CNTN5: variants seen among roughly 807,000 people sequenced by gnomAD.
CNTN5 encodes the protein contactin-5.
In CNTN5, 77 loss-of-function variants were observed where a neutral mutation model predicts 129.1. The observed-to-expected ratio is 0.60, with a 90% CI of 0.50 to 0.72. The LOEUF (loss-of-function observed/expected upper bound fraction) is 0.72, where lower values mean the gene tolerates loss of function less well. Among genes scored for constraint, CNTN5 ranks in the 30% least tolerant of loss-of-function variants. The probability of loss-of-function intolerance (pLI) is 0.00; values close to 1 mark genes in which losing one functional copy is unlikely to be tolerated. For synonymous variants in CNTN5, 509 were observed against 465.6 expected (o/e 1.09, Z -1.20); for missense variants, 1,478 against 1,328.8 (o/e 1.11, Z -1.75).
chr11:99,157,234 T>A (rs570491528), intron 1 of CNTN5, among the ~76,000 whole-genome samples: 1 of 152,148 alleles, frequency 6.6e-6, no homozygotes, highest in East Asian at 1.9e-4. Context: ...AAGGGAAATG[T>A]AAGAAAATAT....
At chr11:99,760,279 A>G (rs1279608469) in intron 3 of CNTN5, among the ~76,000 whole-genome samples, 1 of 152,148 alleles carries the variant, frequency 6.6e-6, no homozygotes, top group Non-Finnish European at 1.5e-5. Context: ...TGTGTCACAG[A>G]ACTGTCACAA....
chr11:99,761,349 C>A (rs1310663266), intron 3 of CNTN5, among the ~76,000 whole-genome samples: 1 of 152,028 alleles, frequency 6.6e-6, no homozygotes, highest in Non-Finnish European at 1.5e-5. Flanking sequence ...ATGTGCCATG[C>A]TGGTGCGCTG....
At chr11:100,031,926 G>A (rs992030147) in intron 9 of CNTN5, among the ~76,000 whole-genome samples, 9 of 151,380 alleles carry the variant, frequency 5.9e-5, no homozygotes, top group East Asian at 1.9e-4. Context: ...GTGGCACCAC[G>A]GGACCAGAAG....
chr11:99,976,573 G>A (rs1937987344), intron 8 of CNTN5, among the ~76,000 whole-genome samples: 1 of 152,172 alleles, frequency 6.6e-6, no homozygotes, highest in South Asian at 2.1e-4. Context: ...CAGGCTCAAT[G>A]CCACGTGGAA....
intron 2 of CNTN5, among the ~76,000 whole-genome samples, chr11:99,343,072 A>G (rs1162515343): frequency 6.6e-6 from 1 of 152,166 alleles, no homozygotes; most frequent in Non-Finnish European, 1.5e-5. Flanking sequence ...AGAATAGAGG[A>G]TGCTGCAGTG....
intron 2 of CNTN5, among the ~76,000 whole-genome samples, chr11:99,536,602 C>T (rs937295838): frequency 6.6e-6 from 1 of 151,966 alleles, no homozygotes; most frequent in Non-Finnish European, 1.5e-5. Flanking sequence ...AACTTGCCCT[C>T]CCTCATGCCT....
chr11:100,002,270 G>A (rs1249725153), intron 9 of CNTN5, 134 bp downstream of exon 9: 29 of 551,386 alleles, frequency 5.3e-5, no homozygotes, highest in Non-Finnish European at 8.6e-5. Flanking sequence ...CTAAAAGAAG[G>A]TCAAATGGCA....
At chr11:100,149,773 T>G (rs987625406) in intron 13 of CNTN5, among the ~76,000 whole-genome samples, 7 of 151,672 alleles carry the variant, frequency 4.6e-5, no homozygotes, top group African/African-American at 1.7e-4. Context: ...CGGGTGCCTG[T>G]AGTCCCAGCT....
At chr11:100,166,497 C>T (rs1947641020) in intron 13 of CNTN5, among the ~76,000 whole-genome samples, 1 of 151,628 alleles carries the variant, frequency 6.6e-6, no homozygotes. Context: ...TGTATATGGC[C>T]TCCAAATAAG....
intron 3 of CNTN5, among the ~76,000 whole-genome samples, chr11:99,669,460 GTGTGTGTGTGTGTATA>G (rs775475787): frequency 7.8e-4 from 63 of 80,722 alleles, no homozygotes; most frequent in Non-Finnish European, 1.4e-3. Context: ...GTGTGTGTGT[GTGTGTGTGTGTGTATA>G]TGTGTATACA....
chr11:100,333,552 T>C (rs1189750557), intron 21 of CNTN5, among the ~76,000 whole-genome samples: 1 of 151,592 alleles, frequency 6.6e-6, no homozygotes, highest in East Asian at 2.0e-4. Flanking sequence ...AAGGCCATCA[T>C]CACCAAAACA....
intron 2 of CNTN5, among the ~76,000 whole-genome samples, chr11:99,473,872 A>G (rs1408551337): frequency 1.3e-5 from 2 of 152,056 alleles, no homozygotes; most frequent in Non-Finnish European, 2.9e-5. Flanking sequence ...TAAACCATAG[A>G]CAGTAAATAT....
intron 13 of CNTN5, among the ~76,000 whole-genome samples, chr11:100,096,211 T>C (rs1945003349): frequency 6.6e-6 from 1 of 152,146 alleles, no homozygotes; most frequent in Admixed American, 6.6e-5. Flanking sequence ...GAACTATTGC[T>C]AGACTATTTG....
At chr11:99,780,187 C>A (rs181391507) in intron 3 of CNTN5, among the ~76,000 whole-genome samples, 1 of 151,892 alleles carries the variant, frequency 6.6e-6, no homozygotes, top group African/African-American at 2.4e-5. Context: ...TTTTTCCCCC[C>A]CTTCAGATTA....
chr11:100,313,565 A>G (rs920180723), intron 21 of CNTN5, among the ~76,000 whole-genome samples: 1 of 152,090 alleles, frequency 6.6e-6, no homozygotes, highest in African/African-American at 2.4e-5. Context: ...TAAGAGGGTA[A>G]GTCAGATAGG....
At chr11:100,102,374 T>C (rs1463562615) in intron 13 of CNTN5, among the ~76,000 whole-genome samples, 1 of 152,088 alleles carries the variant, frequency 6.6e-6, no homozygotes, top group Non-Finnish European at 1.5e-5. Flanking sequence ...CTTTTGAGAA[T>C]TGTCTATTCA....
At chr11:99,157,252 G>T (rs1013407510) in intron 1 of CNTN5, among the ~76,000 whole-genome samples, 33 of 151,984 alleles carry the variant, frequency 2.2e-4, no homozygotes, top group Admixed American at 2.2e-3. Flanking sequence ...TATGTATTTT[G>T]ATTTTTAATA....
At chr11:99,657,421 G>C (rs1565396794) in intron 3 of CNTN5, among the ~76,000 whole-genome samples, 1 of 152,088 alleles carries the variant, frequency 6.6e-6, no homozygotes, top group Non-Finnish European at 1.5e-5. Flanking sequence ...GGGCAGGGCT[G>C]CCTAATACTC....
intron 3 of CNTN5, among the ~76,000 whole-genome samples, chr11:99,684,003 A>C (rs2134734004): frequency 6.6e-6 from 1 of 151,914 alleles, no homozygotes; most frequent in African/African-American, 2.4e-5. Context: ...TATACAGTAT[A>C]TTAACTGTAG....
Sources: gnomAD v4.1 joint callset for allele counts (sites outside exome capture counted in the v4.1 genomes callset) on GRCh38, gnomAD v4.1.1 for gene constraint, MANE v1.5 for transcripts, NCBI Gene and HGNC (gene_info 2026-07-23, HGNC 2026-07-21) for gene names.